Variants in UVRAG observed in about 807,000 individuals in gnomAD.
UVRAG encodes UV radiation resistance-associated gene protein.
UVRAG carries 19 observed loss-of-function variants against 78.0 expected under a neutral mutation model. That is an observed-to-expected ratio of 0.24 (90% confidence interval 0.17 to 0.36). The LOEUF (loss-of-function observed/expected upper bound fraction) is 0.36. UVRAG is among the 10% of genes least tolerant of loss of function. UVRAG has a pLI of 1.00. For synonymous variants in UVRAG, 323 were observed against 324.6 expected (o/e 1.00, Z 0.05); for missense variants, 740 against 853.8 (o/e 0.87, Z 1.66).
At chr11:76,109,142 A>G (rs1952024986) in intron 13 of UVRAG, among the ~76,000 whole-genome samples, 1 of 152,246 alleles carries the variant, frequency 6.6e-6, no homozygotes, top group Non-Finnish European at 1.5e-5. Flanking sequence ...TTTTCTTGGC[A>G]TCTGCCTTCC....
chr11:76,067,735 G>C (rs565532957), intron 13 of UVRAG, among the ~76,000 whole-genome samples: 1 of 152,168 alleles, frequency 6.6e-6, no homozygotes, highest in South Asian at 2.1e-4. Flanking sequence ...TTCCAGCCTG[G>C]GTGACAGAGC....
At chr11:76,003,257 A>ATTTTTTTTTTTTTTTTTT (rs398045280) in intron 8 of UVRAG, among the ~76,000 whole-genome samples, 1 of 53,786 alleles carries the variant, frequency 1.9e-5, no homozygotes, top group African/African-American at 7.8e-5. Flanking sequence ...GAAAATACTG[A>ATTTTTTTTTTTTTTTTTT]TTTTTTTTTT....
chr11:76,086,782 G>A (rs1310857179), intron 13 of UVRAG, among the ~76,000 whole-genome samples: 7 of 152,088 alleles, frequency 4.6e-5, no homozygotes, highest in African/African-American at 9.7e-5. Flanking sequence ...ACAAAGACCC[G>A]CAAGACTGTG....
chr11:76,131,352 G>GCAC (rs1233277413), intron 14 of UVRAG, among the ~76,000 whole-genome samples: 1 of 152,136 alleles, frequency 6.6e-6, no homozygotes, highest in African/African-American at 2.4e-5. Context: ...TCGGCAATAG[G>GCAC]CACCCCCTCA....
In UVRAG at chr11:76,142,555, A is replaced by T. The variant is rs997650901; in HGVS notation, c.*1142A>T. ...TTTGCTGTTGCTTTATACGTTACGT[A>T]CCCAAGGACATTGCCTCAGGGTTGC... On this transcript the variant is annotated 3_prime_UTR_variant, in exon 15 of 15. Transcript: ENST00000356136. 2.0e-5 allele frequency: 3 copies of T among 152,654 alleles called. No homozygotes were observed. The highest frequency in any genetic ancestry group is 7.2e-5 in the African/African-American group (3 of 41,450). The allele number at this position is 152,654 out of a possible 1,614,324, so 9.5% of individuals were successfully genotyped here.
At chr11:76,014,558 C>T (rs1380669444) in intron 11 of UVRAG, among the ~76,000 whole-genome samples, 5 of 152,190 alleles carry the variant, frequency 3.3e-5, no homozygotes, top group South Asian at 4.1e-4. Flanking sequence ...CTAATCTTTA[C>T]GGAAAGCACG....
chr11:75,998,277 A>G (rs1949744385), intron 8 of UVRAG, among the ~76,000 whole-genome samples: 1 of 152,194 alleles, frequency 6.6e-6, no homozygotes, highest in African/African-American at 2.4e-5. Flanking sequence ...GTCTATACTA[A>G]TCAGTCTAAT....
intron 7 of UVRAG, among the ~76,000 whole-genome samples, chr11:75,963,587 T>G (rs1028550457): frequency 2.0e-5 from 3 of 152,240 alleles, no homozygotes; most frequent in African/African-American, 7.2e-5. Context: ...ATCATTTTCA[T>G]TTTAACCTAC....
intron 13 of UVRAG, among the ~76,000 whole-genome samples, chr11:76,110,986 G>T (rs572410558): frequency 6.6e-6 from 1 of 151,908 alleles, no homozygotes; most frequent in East Asian, 1.9e-4. Context: ...AGCCTCCCGA[G>T]TAGCTGGGAG....
At chr11:76,121,447 T>C (rs1952274290) in intron 14 of UVRAG, among the ~76,000 whole-genome samples, 1 of 152,264 alleles carries the variant, frequency 6.6e-6, no homozygotes, top group South Asian at 2.1e-4. Flanking sequence ...AGTTTTCTTT[T>C]ACTATTGCCT....
chr11:75,984,403 G>A (rs1949454202), intron 8 of UVRAG, among the ~76,000 whole-genome samples: 1 of 152,182 alleles, frequency 6.6e-6, no homozygotes, highest in Non-Finnish European at 1.5e-5. Context: ...CCAACTGTAA[G>A]CTAATAAAAG....
chr11:75,899,304 T>C (rs1275306076), intron 5 of UVRAG, among the ~76,000 whole-genome samples: 1 of 152,198 alleles, frequency 6.6e-6, no homozygotes, highest in Non-Finnish European at 1.5e-5. Flanking sequence ...ATAGAGCTTT[T>C]ATTTATTTTA....
intron 7 of UVRAG, among the ~76,000 whole-genome samples, chr11:75,981,437 A>ATTTCT (rs1392498137): frequency 6.8e-6 from 1 of 147,442 alleles, no homozygotes. Context: ...TTTAGCCACT[A>ATTTCT]TTTCTTTTCT....
chr11:75,968,162 ATATGT>A (rs1464950947), intron 7 of UVRAG, among the ~76,000 whole-genome samples: 14 of 152,180 alleles, frequency 9.2e-5, no homozygotes, highest in Admixed American at 6.5e-5. Context: ...TCAACCTATA[ATATGT>A]TATTTATACG....
intron 1 of UVRAG, among the ~76,000 whole-genome samples, chr11:75,845,650 A>G (rs1946016073): frequency 1.3e-5 from 2 of 152,202 alleles, no homozygotes; most frequent in Admixed American, 6.5e-5. Context: ...GTTCTCCTTT[A>G]TAAGTACACA....
chr11:76,029,838 A>G (rs1330199947), intron 12 of UVRAG, among the ~76,000 whole-genome samples: 1 of 152,198 alleles, frequency 6.6e-6, no homozygotes, highest in East Asian at 1.9e-4. Context: ...ATGAAAGGCA[A>G]AGTCAATTGA....
At chr11:76,108,106 GCA>G (rs1952003003) in intron 13 of UVRAG, among the ~76,000 whole-genome samples, 1 of 152,036 alleles carries the variant, frequency 6.6e-6, no homozygotes, top group Non-Finnish European at 1.5e-5. Context: ...AACATATCAT[GCA>G]GCTTAGCTCA....
rs539403161 is a variant in UVRAG, at chr11:76,045,001, C to G, written c.1227-20709C>G. Reference sequence around the variant, plus strand: ...CATGCTGCAGAAGTCCAGAAAGTCTCAGAATTGGAGGCCAGGAGTCTTTGA... The same window carrying G: ...CATGCTGCAGAAGTCCAGAAAGTCTGAGAATTGGAGGCCAGGAGTCTTTGA... On this transcript the variant is annotated intron_variant, in intron 12 of 14. Transcript: ENST00000356136. 2.7e-4 allele frequency among the ~76,000 whole-genome samples: 41 copies of G among 152,228 alleles called. 1 individual carries two copies. Among genetic ancestry groups the G allele is most frequent in the African/African-American group, 9.6e-4 (40 of 41,544 alleles).
At chr11:75,877,137 A>G (rs1197350099) in intron 3 of UVRAG, among the ~76,000 whole-genome samples, 1 of 151,814 alleles carries the variant, frequency 6.6e-6, no homozygotes, top group Admixed American at 6.6e-5. Flanking sequence ...TGGACACAGC[A>G]CATGTTTCAG....
Sources: gnomAD v4.1 joint callset for allele counts (sites outside exome capture counted in the v4.1 genomes callset) on GRCh38, gnomAD v4.1.1 for gene constraint, MANE v1.5 for transcripts, NCBI Gene and HGNC (gene_info 2026-07-23, HGNC 2026-07-21) for gene names.